Variants in RAP1GDS1 observed in about 807,000 individuals in gnomAD.
RAP1GDS1 encodes the protein RAP1, GTP-GDP dissociation stimulator 1.
In RAP1GDS1, 35 loss-of-function variants were observed where a neutral mutation model predicts 71.1. That is an observed-to-expected ratio of 0.49 (90% CI 0.38 to 0.65). The LOEUF is 0.65. Ranked by LOEUF, RAP1GDS1 falls within the 30% of genes least tolerant of loss-of-function variation. RAP1GDS1 has a pLI of 0.00. For missense variants in RAP1GDS1, 663 were observed against 706.1 expected, an observed-to-expected ratio of 0.94 and a Z score of 0.69; for synonymous variants, 229 against 243.1, an observed-to-expected ratio of 0.94 and a Z score of 0.54.
At chr4:98,336,874 T>G (rs531003817) in intron 2 of RAP1GDS1, among the ~76,000 whole-genome samples, 1 of 150,870 alleles carries the variant, frequency 6.6e-6, no homozygotes, top group African/African-American at 2.4e-5. Flanking sequence ...TCATTCTGGG[T>G]TTTTTTTGTT....
chr4:98,422,833 T>TA (rs1206258179), intron 12 of RAP1GDS1, among the ~76,000 whole-genome samples: 4 of 152,150 alleles, frequency 2.6e-5, no homozygotes, highest in Non-Finnish European at 4.4e-5. Flanking sequence ...ACCTTCCTAT[T>TA]ACCTGTCTCA....
intron 1 of RAP1GDS1, among the ~76,000 whole-genome samples, chr4:98,264,140 G>A (rs992378552): frequency 2.0e-5 from 3 of 152,036 alleles, no homozygotes; most frequent in South Asian, 2.1e-4. Context: ...TCAGCCGGGC[G>A]CGCACTTTGG....
At chr4:98,391,708 A>AGTCT (rs1452896387) in intron 5 of RAP1GDS1, among the ~76,000 whole-genome samples, 2 of 152,178 alleles carry the variant, frequency 1.3e-5, no homozygotes, top group African/African-American at 4.8e-5. Flanking sequence ...GATTTGATAT[A>AGTCT]GTCTTCAAAC....
chr4:98,429,595 A>G (rs1278443731), intron 12 of RAP1GDS1, among the ~76,000 whole-genome samples: 3 of 152,192 alleles, frequency 2.0e-5, no homozygotes, highest in Non-Finnish European at 2.9e-5. Flanking sequence ...AATCACCACT[A>G]AAGAACTTAC....
Position 98,442,203 on chromosome 4 carries a change from T to C in RAP1GDS1, c.*86T>C. On this transcript the variant is annotated 3_prime_UTR_variant, in exon 15 of 15. Transcript: ENST00000408927. Reference sequence around the variant, plus strand: ...GCTTCTTCCGCTTCATTCTCTACCATACCACTTGTGCATGCATGTGATGTT... The same window carrying C: ...GCTTCTTCCGCTTCATTCTCTACCACACCACTTGTGCATGCATGTGATGTT... 2 of 1,507,282 alleles carry C rather than the reference T, an allele frequency of 1.3e-6. No homozygotes were observed. The highest frequency in any genetic ancestry group is 9.0e-7 in the Non-Finnish European group (1 of 1,114,794). The allele number at this position is 1,507,282 out of a possible 1,614,324, so 93.4% of individuals were successfully genotyped here. A position where few individuals can be genotyped will look rare whatever the true frequency, so the allele number is the denominator to read the frequency against.
At chr4:98,268,950 A>G (rs1412945160) in intron 1 of RAP1GDS1, among the ~76,000 whole-genome samples, 1 of 152,080 alleles carries the variant, frequency 6.6e-6, no homozygotes, top group Non-Finnish European at 1.5e-5. Flanking sequence ...GAAATAGCAA[A>G]ACAATTCTAA....
At chr4:98,349,344 G>A (rs1163498530) in intron 3 of RAP1GDS1, among the ~76,000 whole-genome samples, 1 of 152,184 alleles carries the variant, frequency 6.6e-6, no homozygotes, top group Admixed American at 6.5e-5. Context: ...TTTGGTACCA[G>A]TACCATGCTG....
intron 2 of RAP1GDS1, among the ~76,000 whole-genome samples, chr4:98,301,450 CT>C (rs1728575550): frequency 6.6e-6 from 1 of 152,170 alleles, no homozygotes; most frequent in Non-Finnish European, 1.5e-5. Flanking sequence ...TCCATGCATT[CT>C]CTAAAAGTCC....
intron 12 of RAP1GDS1, among the ~76,000 whole-genome samples, chr4:98,428,238 C>A (rs1749899111): frequency 6.6e-6 from 1 of 151,582 alleles, no homozygotes; most frequent in Non-Finnish European, 1.5e-5. Flanking sequence ...AGACCTGAAA[C>A]TAAAAATTCT....
chr4:98,295,420 G>T (rs1231768238), intron 2 of RAP1GDS1, among the ~76,000 whole-genome samples: 1 of 152,058 alleles, frequency 6.6e-6, no homozygotes, highest in Non-Finnish European at 1.5e-5. Context: ...TGACAAAGAA[G>T]AATTGGAAAA....
chr4:98,328,920 A>C (rs1420166219), intron 2 of RAP1GDS1, among the ~76,000 whole-genome samples: 1 of 152,266 alleles, frequency 6.6e-6, no homozygotes, highest in African/African-American at 2.4e-5. Context: ...AAAACTCTTA[A>C]GGCTGCAAAG....
At chr4:98,389,197 C>G (rs532174206) in intron 5 of RAP1GDS1, among the ~76,000 whole-genome samples, 109 of 152,258 alleles carry the variant, frequency 7.2e-4, no homozygotes, top group African/African-American at 2.4e-3. Context: ...CTTTGTGATC[C>G]TCTGAAAGGG....
intron 4 of RAP1GDS1, among the ~76,000 whole-genome samples, chr4:98,355,826 G>A (rs1455410945): frequency 2.6e-5 from 4 of 152,124 alleles, no homozygotes; most frequent in Admixed American, 6.6e-5. Context: ...TGAGGTAACA[G>A]ACTGGCATAC....
intron 2 of RAP1GDS1, among the ~76,000 whole-genome samples, chr4:98,331,355 G>GGA (rs911426490): frequency 1.4e-5 from 2 of 145,130 alleles, no homozygotes; most frequent in African/African-American, 5.3e-5. Context: ...AGAGGGAGAG[G>GGA]GAGAGAGAGA....
intron 11 of RAP1GDS1, 54 bp downstream of exon 11, chr4:98,420,198 C>A: frequency 7.4e-7 from 1 of 1,358,082 alleles, no homozygotes; most frequent in Non-Finnish European, 9.7e-7. Flanking sequence ...TCTTAATGTG[C>A]CTCTAGTTGA....
chr4:98,400,359 C>G (rs1384635456), intron 6 of RAP1GDS1, among the ~76,000 whole-genome samples: 1 of 151,832 alleles, frequency 6.6e-6, no homozygotes, highest in African/African-American at 2.4e-5. Context: ...TATACACACA[C>G]ACACACAATG....
chr4:98,391,072 A>AT (rs993352943), intron 5 of RAP1GDS1, among the ~76,000 whole-genome samples: 4 of 152,196 alleles, frequency 2.6e-5, no homozygotes, highest in African/African-American at 7.2e-5. Context: ...TAAACATATG[A>AT]TTTTTTGTAT....
intron 2 of RAP1GDS1, among the ~76,000 whole-genome samples, chr4:98,325,595 A>C (rs1218366751): frequency 6.6e-6 from 1 of 150,980 alleles, no homozygotes; most frequent in Admixed American, 6.6e-5. Context: ...TGCAGCCATA[A>C]AAAATGATGA....
chr4:98,393,110 T>C (rs1013141587), intron 6 of RAP1GDS1, among the ~76,000 whole-genome samples: 3 of 152,212 alleles, frequency 2.0e-5, no homozygotes, highest in African/African-American at 7.2e-5. Flanking sequence ...TTGTCATAGC[T>C]AAATACCGTA....
Sources: allele counts gnomAD v4.1 joint callset (sites outside exome capture counted in the v4.1 genomes callset), GRCh38; gene constraint gnomAD v4.1.1; transcripts MANE v1.5; gene names NCBI Gene and HGNC (gene_info 2026-07-23, HGNC 2026-07-21).